Variants in ATXN1 observed in about 807,000 individuals in gnomAD.
ATXN1 encodes the protein ataxin 1, also known as ataxin-1.
Under a neutral mutation model 56.4 loss-of-function variants are expected in ATXN1, and 8 were observed. That is an observed-to-expected ratio of 0.14 (90% CI 0.08 to 0.26). The LOEUF (loss-of-function observed/expected upper bound fraction) is 0.26, where lower values mean the gene tolerates loss of function less well. Among genes scored for constraint, ATXN1 ranks in the 10% least tolerant of loss-of-function variants. ATXN1 has a pLI of 1.00. For missense variants in ATXN1, 987 were observed against 1,106.5 expected (o/e 0.89, Z 1.53); for synonymous variants, 514 against 494.6 (o/e 1.04, Z -0.52).
intron 6 of ATXN1, among the ~76,000 whole-genome samples, chr6:16,334,704 A>C (rs940764116): frequency 1.3e-5 from 2 of 152,226 alleles, no homozygotes; most frequent in African/African-American, 4.8e-5. Context: ...GTGATAAAGC[A>C]AGACCCTGTC....
At chr6:16,531,444 G>A (rs184503238) in intron 4 of ATXN1, among the ~76,000 whole-genome samples, 8 of 152,192 alleles carry the variant, frequency 5.3e-5, no homozygotes, top group South Asian at 2.1e-4. Flanking sequence ...CCAACATGGC[G>A]AAACCCTGTC....
At chr6:16,422,222 C>G (rs1759050955) in intron 6 of ATXN1, among the ~76,000 whole-genome samples, 2 of 152,150 alleles carry the variant, frequency 1.3e-5, no homozygotes. Flanking sequence ...ATATCAGACA[C>G]TCAAGTACTC....
intron 4 of ATXN1, among the ~76,000 whole-genome samples, chr6:16,551,424 TA>T (rs61177706): frequency 0.96 from 146,080 of 152,246 alleles, 70,136 homozygotes; most frequent in East Asian, 1. Context: ...GCTAAAGAAA[TA>T]AAACAGCTTG....
At chr6:16,352,506 G>A (rs1761591379) in intron 6 of ATXN1, among the ~76,000 whole-genome samples, 1 of 152,182 alleles carries the variant, frequency 6.6e-6, no homozygotes, top group Non-Finnish European at 1.5e-5. Context: ...AGCCGACAGA[G>A]CATCACACGA....
Position 16,348,697 on chromosome 6 carries a change from GA to G in ATXN1, c.-160-20228del, listed in dbSNP as rs75457709. Among the ~76,000 whole-genome samples the G allele has an allele frequency of 0.011, 1,643 of 145,548 alleles. 75 individuals carry two copies. The East Asian group carries it at 0.18, about 16-fold the overall frequency. On this transcript the variant is annotated intron_variant, in intron 6 of 7. Transcript: ENST00000436367. The stretch of plus-strand genomic sequence containing the variant: ...GCGACAGGAGTGAAACTCTGCCTTA[GA>G]AAAAAAAAAATGAAGATAGTAATAC...
At chr6:16,576,431 C>T (rs1374658167) in intron 4 of ATXN1, among the ~76,000 whole-genome samples, 1 of 152,146 alleles carries the variant, frequency 6.6e-6, no homozygotes, top group Non-Finnish European at 1.5e-5. Flanking sequence ...AGCAAAGACA[C>T]AAGGAAAATA....
intron 4 of ATXN1, among the ~76,000 whole-genome samples, chr6:16,566,240 TG>T (rs1328649257): frequency 6.6e-6 from 1 of 152,212 alleles, no homozygotes; most frequent in Non-Finnish European, 1.5e-5. Context: ...TAACATTTCA[TG>T]TTTTTGCATC....
intron 2 of ATXN1, chr6:16,739,043 G>A (rs1760237037): frequency 6.6e-6 from 1 of 151,818 alleles, no homozygotes; most frequent in African/African-American, 2.4e-5. Flanking sequence ...TCCCAACGAG[G>A]GGCATATATT....
At chr6:16,473,832 GC>G (rs774009129) in intron 6 of ATXN1, among the ~76,000 whole-genome samples, 1 of 152,172 alleles carries the variant, frequency 6.6e-6, no homozygotes, top group Non-Finnish European at 1.5e-5. Context: ...TCAGCTTTGA[GC>G]CACCTCTCAG....
rs111633671 is a variant in ATXN1 at position 16,493,711 on chromosome 6, C to A, written c.-298-7602G>T. The stretch of plus-strand genomic sequence containing the variant: ...TAACATGGTATTATATTACATTATA[C>A]TTGAAGACGTTATATGTCTTTGAGT... On this transcript the variant is annotated intron_variant, in intron 5 of 7. Coordinates refer to ENST00000436367, the MANE Select transcript of ATXN1 (RefSeq NM_001128164.2). 1.7e-3 allele frequency among the ~76,000 whole-genome samples: 253 copies of A among 152,226 alleles called. 1 individual carries two copies. The highest frequency in any genetic ancestry group is 5.7e-3 in the African/African-American group (236 of 41,518).
At chr6:16,635,330 C>G (rs2113814404) in intron 3 of ATXN1, among the ~76,000 whole-genome samples, 1 of 152,244 alleles carries the variant, frequency 6.6e-6, no homozygotes, top group African/African-American at 2.4e-5. Context: ...TATATTACAA[C>G]ATAATAATAT....
intron 6 of ATXN1, among the ~76,000 whole-genome samples, chr6:16,481,991 A>G (rs1332397673): frequency 6.6e-6 from 1 of 151,948 alleles, no homozygotes; most frequent in African/African-American, 2.4e-5. Context: ...AAAATCCCCA[A>G]ACTCTACTGA....
intron 4 of ATXN1, among the ~76,000 whole-genome samples, chr6:16,538,864 T>G (rs973213891): frequency 1.3e-5 from 2 of 152,126 alleles, no homozygotes; most frequent in African/African-American, 4.8e-5. Context: ...TCTTGTTTTT[T>G]CAGTAGAGAC....
chr6:16,689,482 T>C (rs1259615275), intron 2 of ATXN1, among the ~76,000 whole-genome samples: 1 of 150,872 alleles, frequency 6.6e-6, no homozygotes, highest in Non-Finnish European at 1.5e-5. Context: ...CCAGTCAATT[T>C]TTTCTTTTTT....
At chr6:16,682,838 C>T (rs1485429213) in intron 2 of ATXN1, among the ~76,000 whole-genome samples, 1 of 152,188 alleles carries the variant, frequency 6.6e-6, no homozygotes, top group Non-Finnish European at 1.5e-5. Flanking sequence ...TTTTACATGG[C>T]AAGACTCTTA....
chr6:16,661,330 A>G (rs1303698070), intron 2 of ATXN1, among the ~76,000 whole-genome samples: 1 of 152,090 alleles, frequency 6.6e-6, no homozygotes, highest in Non-Finnish European at 1.5e-5. Flanking sequence ...TAGAAAAATA[A>G]TTTTATAAGC....
chr6:16,345,944 T>G (rs776627182), intron 6 of ATXN1, among the ~76,000 whole-genome samples: 1 of 152,128 alleles, frequency 6.6e-6, no homozygotes, highest in Non-Finnish European at 1.5e-5. Flanking sequence ...TAATCAGGTA[T>G]TCATTCAATA....
At chr6:16,700,971 A>G (rs560650031) in intron 2 of ATXN1, among the ~76,000 whole-genome samples, 4 of 152,158 alleles carry the variant, frequency 2.6e-5, no homozygotes, top group South Asian at 2.1e-4. Context: ...GTGAACCAGC[A>G]AAACAAATGG....
chr6:16,741,473 G>A (rs1760337378), intron 2 of ATXN1, among the ~76,000 whole-genome samples: 1 of 152,154 alleles, frequency 6.6e-6, no homozygotes, highest in Non-Finnish European at 1.5e-5. Flanking sequence ...AAAGTTTTAA[G>A]AACACTTTTT....
Sources: allele counts gnomAD v4.1 joint callset (sites outside exome capture counted in the v4.1 genomes callset), GRCh38; gene constraint gnomAD v4.1.1; transcripts MANE v1.5; gene names NCBI Gene and HGNC (gene_info 2026-07-23, HGNC 2026-07-21).